Variants in PHLPP1 observed in about 807,000 individuals in gnomAD.
PHLPP1 encodes the protein PH domain and leucine rich repeat protein phosphatase 1.
PHLPP1 carries 42 observed loss-of-function variants against 117.2 expected under a neutral mutation model. The ratio of observed to expected loss-of-function variants is 0.36; its 90% CI spans 0.28 to 0.46. The LOEUF is 0.46. Ranked by LOEUF, PHLPP1 falls within the 20% of genes least tolerant of loss-of-function variation. The pLI is 1.00. For missense variants in PHLPP1, 2,084 were observed against 2,241.9 expected (o/e 0.93, Z 1.42); for synonymous variants, 1,042 against 970.7 (o/e 1.07, Z -1.37).
chr18:62,724,140 G>T (rs1302570549), intron 1 of PHLPP1, among the ~76,000 whole-genome samples: 1 of 152,124 alleles, frequency 6.6e-6, no homozygotes. Flanking sequence ...TGATTACCCC[G>T]TTCCCTGTCA....
chr18:62,772,563 C>G (rs1376851377), intron 1 of PHLPP1, among the ~76,000 whole-genome samples: 2 of 152,014 alleles, frequency 1.3e-5, no homozygotes, highest in Non-Finnish European at 2.9e-5. Flanking sequence ...GGCATGCTGG[C>G]TCATGCCTGT....
At chr18:62,855,033 G>A (rs934284486) in intron 3 of PHLPP1, among the ~76,000 whole-genome samples, 16 of 152,190 alleles carry the variant, frequency 1.1e-4, no homozygotes, top group African/African-American at 2.9e-4. Context: ...GGCCTTGGGC[G>A]CACACTCTGT....
intron 1 of PHLPP1, among the ~76,000 whole-genome samples, chr18:62,766,370 C>T (rs1912530607): frequency 6.6e-6 from 1 of 151,656 alleles, no homozygotes; most frequent in Non-Finnish European, 1.5e-5. Flanking sequence ...TAGTAACTCC[C>T]TCACTTTAGT....
chr18:62,849,924 G>A (rs1377489205), intron 3 of PHLPP1, among the ~76,000 whole-genome samples: 2 of 140,418 alleles, frequency 1.4e-5, no homozygotes, highest in South Asian at 2.3e-4. Context: ...AATTTTCTAC[G>A]CCTACTCCGA....
intron 2 of PHLPP1, among the ~76,000 whole-genome samples, chr18:62,831,247 AT>A (rs1914749761): frequency 6.6e-6 from 1 of 152,102 alleles, no homozygotes; most frequent in Admixed American, 6.6e-5. Context: ...GTATTTCTTG[AT>A]TTTTAAGTGA....
At position 62,896,778 on chromosome 18, in the gene PHLPP1, C is replaced by T. The variant is rs187613953; in HGVS notation, c.2444+767C>T. 1.8e-3 allele frequency among the ~76,000 whole-genome samples: 279 copies of T among 152,234 alleles called. 2 individuals carry two copies. The highest frequency in any genetic ancestry group is 6.4e-3 in the African/African-American group (264 of 41,542). On this transcript the variant is annotated intron_variant, in intron 6 of 16. Transcript: ENST00000262719. ...GTGTAAAGGAGCATCACCTTTTGCT[C>T]CCCTTTCTTCTCCTTTCATATGGTT...
At chr18:62,773,513 G>C (rs1318412664) in intron 1 of PHLPP1, among the ~76,000 whole-genome samples, 1 of 152,110 alleles carries the variant, frequency 6.6e-6, no homozygotes, top group Non-Finnish European at 1.5e-5. Context: ...TCGTTTGTGT[G>C]TTTTCTTTAT....
chr18:62,730,806 A>AG (rs1911205262), intron 1 of PHLPP1, among the ~76,000 whole-genome samples: 1 of 152,174 alleles, frequency 6.6e-6, no homozygotes, highest in Admixed American at 6.5e-5. Flanking sequence ...AAAAAAAAAA[A>AG]AACTGTTTTG....
At chr18:62,800,027 A>T (rs1286860632) in intron 1 of PHLPP1, among the ~76,000 whole-genome samples, 1 of 152,176 alleles carries the variant, frequency 6.6e-6, no homozygotes, top group Non-Finnish European at 1.5e-5. Context: ...GATGAGTGGA[A>T]GAAGAGATTT....
At chr18:62,886,342 A>G (rs1916289260) in intron 4 of PHLPP1, among the ~76,000 whole-genome samples, 1 of 152,172 alleles carries the variant, frequency 6.6e-6, no homozygotes, top group Non-Finnish European at 1.5e-5. Flanking sequence ...GCTGGAGCAC[A>G]GTGGCACGAT....
intron 13 of PHLPP1, 90 bp from the exon 14 acceptor site, chr18:62,963,278 C>A: frequency 1.3e-6 from 1 of 790,486 alleles, no homozygotes. Flanking sequence ...GAGTGTTTAA[C>A]AGGTGTATTT....
At chr18:62,782,823 G>A (rs960189443) in intron 1 of PHLPP1, among the ~76,000 whole-genome samples, 2 of 152,204 alleles carry the variant, frequency 1.3e-5, no homozygotes, top group Non-Finnish European at 2.9e-5. Context: ...GCAAAAGGCA[G>A]TGCAGTGGTA....
At chr18:62,815,163 CTTTTTTT>C (rs397858926) in intron 1 of PHLPP1, among the ~76,000 whole-genome samples, 1 of 136,870 alleles carries the variant, frequency 7.3e-6, no homozygotes, top group African/African-American at 2.7e-5. Context: ...TTTTTTTCCT[CTTTTTTT>C]TTTTTTTGAC....
intron 1 of PHLPP1, among the ~76,000 whole-genome samples, chr18:62,827,297 A>T (rs1040209652): frequency 6.6e-6 from 1 of 152,210 alleles, no homozygotes; most frequent in Admixed American, 6.5e-5. Context: ...ACATTTCTAA[A>T]GTAAAAGTTA....
intron 14 of PHLPP1, among the ~76,000 whole-genome samples, chr18:62,966,620 G>A (rs1389553921): frequency 6.6e-6 from 1 of 151,780 alleles, no homozygotes; most frequent in Non-Finnish European, 1.5e-5. Flanking sequence ...ACAGGCGCCC[G>A]CCACCACGCC....
At chr18:62,725,917 T>G (rs895409251) in intron 1 of PHLPP1, among the ~76,000 whole-genome samples, 5 of 152,180 alleles carry the variant, frequency 3.3e-5, no homozygotes, top group Non-Finnish European at 7.3e-5. Context: ...TAAAAATATA[T>G]TGCATCTGTC....
intron 3 of PHLPP1, among the ~76,000 whole-genome samples, chr18:62,854,246 T>C (rs1915438408): frequency 6.6e-6 from 1 of 152,242 alleles, no homozygotes; most frequent in African/African-American, 2.4e-5. Context: ...GTAACAGAGA[T>C]TTGAGGCACT....
Position 62,716,574 on chromosome 18 carries a change from G to A in PHLPP1, c.891G>A (p.Ala297=). The change falls in exon 1 of 17, where the codon GCG becomes GCA. Residue 297 remains alanine, a synonymous_variant. Coordinates refer to ENST00000262719, the MANE Select transcript of PHLPP1 (RefSeq NM_194449.4). The surrounding 1 kb of genome is among the most constrained non-coding windows in gnomAD (Gnocchi z 5.7). ...APGAFGGPPR[A]PPADLPLPVG... is the part of the protein sequence containing the mutation. ...GTGCCTTCGGGGGGCCTCCGCGCGC[G>A]CCCCCCGCCGACCTACCCCTGCCCG... is the stretch of plus-strand genomic sequence containing the variant. 8.3e-7 allele frequency: 1 copy of A among 1,206,072 alleles called. No homozygotes were observed. The highest frequency in any genetic ancestry group is 3.4e-5 in the East Asian group (1 of 29,304). The allele number at this position is 1,206,072 out of a possible 1,614,324, so 74.7% of individuals were successfully genotyped here.
chr18:62,767,201 A>G (rs2144260131), intron 1 of PHLPP1, among the ~76,000 whole-genome samples: 1 of 152,358 alleles, frequency 6.6e-6, no homozygotes, highest in Middle Eastern at 3.4e-3. Context: ...CAGATCAGGA[A>G]AATTAATTTT....
Sources: allele counts gnomAD v4.1 joint callset (sites outside exome capture counted in the v4.1 genomes callset), GRCh38; gene constraint gnomAD v4.1.1; non-coding constraint Gnocchi (gnomAD v3.1); transcripts MANE v1.5; gene names NCBI Gene and HGNC (gene_info 2026-07-23, HGNC 2026-07-21).